The following RAD17 variants were observed in gnomAD, a reference collection of about 807,000 sequenced individuals.
RAD17 encodes cell cycle checkpoint protein RAD17.
Under a neutral mutation model 81.5 loss-of-function variants are expected in RAD17, and 31 were observed. The ratio of observed to expected loss-of-function variants is 0.38; its 90% CI spans 0.29 to 0.51. The LOEUF is 0.51. Ranked by LOEUF, RAD17 falls within the 20% of genes least tolerant of loss-of-function variation. RAD17 has a pLI of 0.88. For missense variants in RAD17, 681 were observed against 781.2 expected (o/e 0.87, Z 1.53); for synonymous variants, 261 against 266.2 (o/e 0.98, Z 0.19).
chr5:69,369,848 G>T lies in RAD17; in HGVS notation c.-502G>T. On this transcript the variant is annotated 5_prime_UTR_variant, in exon 1 of 19. Transcript: ENST00000354868. ...TCCGAGAGGCTCGGCGTTGAGCCCGGGTAGGGCCAGGTGGCTGCCCTTTCA... is the reference window on the plus strand; with the variant it reads ...TCCGAGAGGCTCGGCGTTGAGCCCGTGTAGGGCCAGGTGGCTGCCCTTTCA... The T allele has an allele frequency of 1.3e-6, 1 of 774,424 alleles. No homozygotes were observed. The highest frequency in any genetic ancestry group is 1.7e-5 in the South Asian group (1 of 57,446). 48.0% of individuals were successfully genotyped at this position (774,424 alleles called of 1,614,324 possible).
chr5:69,391,492 C>T (rs1337352381), intron 12 of RAD17, among the ~76,000 whole-genome samples: 1 of 152,090 alleles, frequency 6.6e-6, no homozygotes, highest in Non-Finnish European at 1.5e-5. Flanking sequence ...ATGAGCATTT[C>T]CTTTGAGCAT....
Position 69,386,296 on chromosome 5 carries a change from C to G in RAD17, c.815C>G (p.Ser272Ter). Residue 272 changes from serine (S) to a stop codon, truncating the protein, a stop_gained, in exon 10 of 19, where the codon TCA becomes TGA. Transcript: ENST00000354868. LOFTEE classifies it high-confidence loss of function. ...PKEIQEECSI[S>*]NISFNPVAPT... ...GAAATTCAGGAAGAGTGTTCTATCT[C>G]AAATATTAGGTAAGAAAGAAATTTC... is the stretch of plus-strand genomic sequence containing the variant. 1 of 1,596,644 alleles carries G rather than the reference C, an allele frequency of 6.3e-7. No homozygotes were observed. Among genetic ancestry groups the G allele is most frequent in the Non-Finnish European group, 8.5e-7 (1 of 1,171,872 alleles).
In RAD17 at chr5:69,414,498, C is replaced by T. The variant is rs1045026053; in HGVS notation, c.*206C>T. 34 of 661,030 alleles carry T rather than the reference C, an allele frequency of 5.1e-5. No individual in the cohort carries two copies. The highest frequency in any genetic ancestry group is 1.0e-4 in the South Asian group (5 of 47,726). The allele number at this position is 661,030 out of a possible 1,614,324, so 40.9% of individuals were successfully genotyped here. A position where few individuals can be genotyped will look rare whatever the true frequency, so the allele number is the denominator to read the frequency against. ...AAGCCTTCAAATCTCTTAATTTTTT[C>T]GGTATTTATTAAATCTGTGAGTGGT... On this transcript the variant is annotated 3_prime_UTR_variant, in exon 19 of 19. Coordinates refer to ENST00000354868, the MANE Select transcript of RAD17 (RefSeq NM_133338.3).
intron 16 of RAD17, 23 bp from the exon 17 acceptor site, chr5:69,400,026 T>A: frequency 8.0e-7 from 1 of 1,257,288 alleles, no homozygotes; most frequent in Non-Finnish European, 1.1e-6. Flanking sequence ...TCCTTTCATC[T>A]TTTTTTTTTC....
chr5:69,384,654 T>C, intron 7 of RAD17, 143 bp from the exon 8 acceptor site: 1 of 783,964 alleles, frequency 1.3e-6, no homozygotes, highest in Non-Finnish European at 1.9e-6. Context: ...ATATCCTATT[T>C]TAAATTTAAA....
chr5:69,373,712 T>TAG, intron 4 of RAD17, 118 bp from the exon 5 acceptor site: 1 of 373,556 alleles, frequency 2.7e-6, no homozygotes, highest in Non-Finnish European at 3.9e-6. Context: ...TTTTTTTTTT[T>TAG]TTTTAAGTTT....
rs2150761154 is a variant in RAD17, at chr5:69,372,063, T to C, written c.-146T>C. 1 of 1,349,282 alleles carries C rather than the reference T, an allele frequency of 7.4e-7. No individual in the cohort carries two copies. Among genetic ancestry groups the C allele is most frequent in the African/African-American group, 1.5e-5 (1 of 67,156 alleles). The allele number at this position is 1,349,282 out of a possible 1,614,324, so 83.6% of individuals were successfully genotyped here. A position where few individuals can be genotyped will look rare whatever the true frequency, so the allele number is the denominator to read the frequency against. On this transcript the variant is annotated 5_prime_UTR_variant, in exon 4 of 19. The change abolishes an upstream ATG in the 5' untranslated region. Coordinates refer to ENST00000354868, the MANE Select transcript of RAD17 (RefSeq NM_133338.3). Reference sequence around the variant, plus strand: ...TGGGAGTCCACATTTATGTAAGAAATGAAACTATAAAATGTATAAATAATT... The same window carrying C: ...TGGGAGTCCACATTTATGTAAGAAACGAAACTATAAAATGTATAAATAATT...
At chr5:69,410,984 TATATATATATATAC>T (rs1322175940) in intron 18 of RAD17, among the ~76,000 whole-genome samples, 14 of 144,376 alleles carry the variant, frequency 9.7e-5, no homozygotes, top group East Asian at 2.0e-4. Flanking sequence ...TATATATATA[TATATATATATATAC>T]TGTTCATTTT....
chr5:69,410,700 T>C, intron 18 of RAD17, 150 bp downstream of exon 18: 1 of 682,054 alleles, frequency 1.5e-6, no homozygotes, highest in Non-Finnish European at 2.5e-6. Context: ...AGACCCTTCC[T>C]TTTCTTAAAT....
intron 18 of RAD17, among the ~76,000 whole-genome samples, chr5:69,412,941 C>T (rs897240155): frequency 2.0e-5 from 3 of 149,976 alleles, no homozygotes; most frequent in South Asian, 2.1e-4. Flanking sequence ...GAGCCAAGAT[C>T]GTGCTACTGC....
intron 7 of RAD17, 28 bp from the exon 8 acceptor site, chr5:69,384,769 A>G (rs200589331): frequency 1.3e-6 from 2 of 1,578,282 alleles, no homozygotes. Flanking sequence ...TTTGTTGAAA[A>G]TAAAAGTGGT....
chr5:69,408,435 T>C (rs1238799231), intron 17 of RAD17, among the ~76,000 whole-genome samples: 1 of 152,030 alleles, frequency 6.6e-6, no homozygotes, highest in African/African-American at 2.4e-5. Context: ...GAGCTCACTT[T>C]GTCTCTTTCC....
upstream of RAD17, chr5:69,369,801 A>G: frequency 7.7e-7 from 1 of 1,292,544 alleles, no homozygotes; most frequent in East Asian, 2.6e-5. Context: ...ACCAGTCTGG[A>G]AGGTCCCCGG....
chr5:69,399,539 A>G (rs1022281133), intron 16 of RAD17, among the ~76,000 whole-genome samples: 1 of 152,212 alleles, frequency 6.6e-6, no homozygotes, highest in Admixed American at 6.5e-5. Flanking sequence ...TGGAGAATTT[A>G]ATGACTTTTA....
Position 69,393,115 on chromosome 5 carries a change from A to T in RAD17, c.1190-40A>T, listed in dbSNP as rs947103117. On this transcript the variant is annotated intron_variant, in intron 13 of 18. Coordinates refer to ENST00000354868, the MANE Select transcript of RAD17 (RefSeq NM_133338.3). ...AATGAGAGGTGCTATATAATTATAA[A>T]GAAGGTATTATCTTTAATAATTCCA... 3.7e-6 allele frequency: 5 copies of T among 1,368,292 alleles called. No homozygotes were observed. In the African/African-American group the frequency reaches 7.3e-5, roughly 20 times the overall value. The allele number at this position is 1,368,292 out of a possible 1,614,324, so 84.8% of individuals were successfully genotyped here.
chr5:69,375,099 G>A (rs1384178386), intron 6 of RAD17, among the ~76,000 whole-genome samples: 1 of 152,140 alleles, frequency 6.6e-6, no homozygotes, highest in Non-Finnish European at 1.5e-5. Context: ...CTGGGCAACA[G>A]AGCAATACCA....
intron 18 of RAD17, 30 bp downstream of exon 18, chr5:69,410,580 C>G (rs1333324935): frequency 1.3e-6 from 2 of 1,595,558 alleles, no homozygotes; most frequent in African/African-American, 1.3e-5. Context: ...TTCCAAAAAG[C>G]TGATAATGAA....
intron 15 of RAD17, among the ~76,000 whole-genome samples, chr5:69,393,833 AGT>A (rs1467211066): frequency 6.6e-6 from 1 of 150,896 alleles, no homozygotes; most frequent in African/African-American, 2.4e-5. Flanking sequence ...AGCCTCCGAA[AGT>A]GCTGGGATTA....
chr5:69,402,701 C>CA (rs1430075978), intron 17 of RAD17, among the ~76,000 whole-genome samples: 1 of 151,282 alleles, frequency 6.6e-6, no homozygotes, highest in Non-Finnish European at 1.5e-5. Flanking sequence ...AAGAATAGTA[C>CA]AAAAAATTCT....
Sources: allele counts gnomAD v4.1 joint callset (sites outside exome capture counted in the v4.1 genomes callset), GRCh38; gene constraint gnomAD v4.1.1; transcripts MANE v1.5; gene names NCBI Gene and HGNC (gene_info 2026-07-23, HGNC 2026-07-21).